Variants in KLHL1 observed in about 807,000 individuals in gnomAD.
KLHL1 encodes the protein kelch-like protein 1.
KLHL1 carries 47 observed loss-of-function variants against 77.7 expected under a neutral mutation model. That is an observed-to-expected ratio of 0.60 (90% CI 0.48 to 0.77). The LOEUF (loss-of-function observed/expected upper bound fraction) is 0.77, where lower values mean the gene tolerates loss of function less well. Ranked by LOEUF, KLHL1 falls within the 30% of genes least tolerant of loss-of-function variation. The pLI, the probability that KLHL1 is intolerant of heterozygous loss-of-function variation, is 0.00. For synonymous variants in KLHL1, 360 were observed against 325.2 expected (o/e 1.11, Z -1.15); for missense variants, 925 against 910.8 (o/e 1.02, Z -0.20).
chr13:69,879,438 C>G (rs537407668), intron 5 of KLHL1, among the ~76,000 whole-genome samples: 1 of 152,124 alleles, frequency 6.6e-6, no homozygotes, highest in Admixed American at 6.5e-5. Context: ...TTGGTAGCAA[C>G]ACACACAAAC....
At chr13:70,000,443 G>A (rs371654184) in intron 1 of KLHL1, among the ~76,000 whole-genome samples, 13 of 151,786 alleles carry the variant, frequency 8.6e-5, no homozygotes, top group Admixed American at 2.0e-4. Flanking sequence ...GAAAAAAAGC[G>A]TATATACATT....
intron 3 of KLHL1, among the ~76,000 whole-genome samples, chr13:69,955,392 G>A (rs924151543): frequency 1.3e-5 from 2 of 151,254 alleles, no homozygotes; most frequent in Admixed American, 1.3e-4. Context: ...TTTCTACAAG[G>A]AAGTTAACAC....
chr13:69,994,716 T>C (rs1885107734), intron 1 of KLHL1, among the ~76,000 whole-genome samples: 1 of 151,902 alleles, frequency 6.6e-6, no homozygotes. Context: ...TCCAGAGGAG[T>C]GGATCTAAAT....
At chr13:70,010,207 A>G (rs1000795293) in intron 1 of KLHL1, among the ~76,000 whole-genome samples, 3 of 152,156 alleles carry the variant, frequency 2.0e-5, no homozygotes, top group African/African-American at 4.8e-5. Context: ...TATTCCATGT[A>G]AGATGGAAAG....
chr13:69,945,957 T>TA (rs1486352486), intron 3 of KLHL1, among the ~76,000 whole-genome samples: 2 of 152,162 alleles, frequency 1.3e-5, no homozygotes, highest in Non-Finnish European at 2.9e-5. Context: ...TAAACAAAAT[T>TA]AGAGTATGCT....
At chr13:69,878,919 C>T (rs1485350293) in intron 5 of KLHL1, among the ~76,000 whole-genome samples, 1 of 151,990 alleles carries the variant, frequency 6.6e-6, no homozygotes, top group Non-Finnish European at 1.5e-5. Context: ...TACTATGCAG[C>T]CATAAAAAAT....
chr13:69,884,728 C>T (rs1009026076), intron 4 of KLHL1, among the ~76,000 whole-genome samples: 1 of 152,058 alleles, frequency 6.6e-6, no homozygotes, highest in African/African-American at 2.4e-5. Flanking sequence ...AGAATAATTG[C>T]ACTTCTCCTG....
chr13:69,880,149 C>T (rs1277452247), intron 5 of KLHL1, among the ~76,000 whole-genome samples: 2 of 152,160 alleles, frequency 1.3e-5, no homozygotes, highest in African/African-American at 4.8e-5. Context: ...TGATTTTCCA[C>T]TAGCTCTATG....
chr13:70,003,673 C>G (rs1242571153), intron 1 of KLHL1, among the ~76,000 whole-genome samples: 1 of 151,668 alleles, frequency 6.6e-6, no homozygotes, highest in East Asian at 1.9e-4. Context: ...GTTTATTTTT[C>G]AGGGAAGAGG....
chr13:69,767,754 G>A (rs1407348704), intron 7 of KLHL1, among the ~76,000 whole-genome samples: 1 of 151,930 alleles, frequency 6.6e-6, no homozygotes, highest in Non-Finnish European at 1.5e-5. Flanking sequence ...ATATTCTTCA[G>A]TAGGCTTCTA....
chr13:69,768,904 G>C (rs567159108), intron 7 of KLHL1, among the ~76,000 whole-genome samples: 1 of 151,918 alleles, frequency 6.6e-6, no homozygotes, highest in Non-Finnish European at 1.5e-5. Flanking sequence ...TTAATGTTTC[G>C]ATTTATGATT....
At chr13:69,841,626 A>G (rs1335578584) in intron 5 of KLHL1, among the ~76,000 whole-genome samples, 1 of 151,934 alleles carries the variant, frequency 6.6e-6, no homozygotes, top group African/African-American at 2.4e-5. Flanking sequence ...AAATGACCGC[A>G]TTGCTCAAAT....
intron 1 of KLHL1, among the ~76,000 whole-genome samples, chr13:70,051,350 T>C (rs935113730): frequency 5.3e-5 from 8 of 152,016 alleles, no homozygotes; most frequent in African/African-American, 1.9e-4. Flanking sequence ...GATGGTTACA[T>C]CTATTATTGA....
At chr13:70,102,179 C>T (rs1337651655) in intron 1 of KLHL1, among the ~76,000 whole-genome samples, 1 of 152,066 alleles carries the variant, frequency 6.6e-6, no homozygotes, top group African/African-American at 2.4e-5. Context: ...TGGTACATGT[C>T]CCACTAATCT....
At chr13:69,832,919 A>T (rs1263591662) in intron 6 of KLHL1, among the ~76,000 whole-genome samples, 1 of 152,154 alleles carries the variant, frequency 6.6e-6, no homozygotes, top group Non-Finnish European at 1.5e-5. Flanking sequence ...AAAAAACTGG[A>T]TCCTCATCTC....
At chr13:69,960,274 T>C (rs1055118209) in intron 3 of KLHL1, among the ~76,000 whole-genome samples, 14 of 140,516 alleles carry the variant, frequency 1.0e-4, no homozygotes, top group Non-Finnish European at 1.7e-4. Context: ...CTCTTGTTTT[T>C]CTGTTAGCAG....
chr13:69,808,323 A>G (rs1300584339), intron 6 of KLHL1, among the ~76,000 whole-genome samples: 3 of 151,970 alleles, frequency 2.0e-5, no homozygotes, highest in East Asian at 3.9e-4. Flanking sequence ...ACCACTACCT[A>G]CTGTCTCTTA....
intron 1 of KLHL1, among the ~76,000 whole-genome samples, chr13:70,033,549 A>G (rs949269824): frequency 7.3e-5 from 9 of 124,010 alleles, no homozygotes; most frequent in Non-Finnish European, 1.2e-4. Context: ...CTCGTGATCC[A>G]CCCGCCTTGG....
chr13:69,856,100 A>G (rs1030431427), intron 5 of KLHL1, among the ~76,000 whole-genome samples: 1 of 151,472 alleles, frequency 6.6e-6, no homozygotes, highest in Non-Finnish European at 1.5e-5. Context: ...CTTCTGGACT[A>G]TCTTTTCAGG....
Sources: gnomAD v4.1 joint callset for allele counts (sites outside exome capture counted in the v4.1 genomes callset) on GRCh38, gnomAD v4.1.1 for gene constraint, MANE v1.5 for transcripts, NCBI Gene and HGNC (gene_info 2026-07-23, HGNC 2026-07-21) for gene names.